GULP1: variants seen among roughly 807,000 people sequenced by gnomAD.
GULP1 encodes GULP PTB domain containing engulfment adaptor 1, also known as PTB domain-containing engulfment adapter protein 1.
In GULP1, 19 loss-of-function variants were observed where a neutral mutation model predicts 40.9. That is an observed-to-expected ratio of 0.46 (90% confidence interval 0.32 to 0.68). GULP1 has a LOEUF of 0.68. Among genes scored for constraint, GULP1 ranks in the 30% least tolerant of loss-of-function variants. GULP1 has a pLI of 0.03. For missense variants in GULP1, 312 were observed against 362.2 expected (o/e 0.86, Z 1.12); for synonymous variants, 119 against 117.6 (o/e 1.01, Z -0.08).
At chr2:188,413,606 T>C (rs1488843802) in intron 2 of GULP1, among the ~76,000 whole-genome samples, 1 of 152,228 alleles carries the variant, frequency 6.6e-6, no homozygotes, top group East Asian at 1.9e-4. Context: ...ATTCTCATTA[T>C]GTGTGCAATT....
In GULP1 at chr2:188,572,554, A is replaced by G. The variant is rs140328923; in HGVS notation, c.609+2434A>G. Among the ~76,000 whole-genome samples, 44 of 152,282 alleles carry G rather than the reference A, an allele frequency of 2.9e-4. No individual in the cohort carries two copies. In the South Asian group the frequency reaches 9.1e-3, roughly 32 times the overall value. ...ATCATTATGGAAATAACAAATTATA[A>G]CTTTGCAATCTACTTATAGTCTTTT... is the stretch of plus-strand genomic sequence containing the variant. On this transcript the variant is annotated intron_variant, in intron 9 of 11. Coordinates refer to ENST00000409830, the MANE Select transcript of GULP1 (RefSeq NM_016315.4).
At chr2:188,387,915 A>G (rs1168830961) in intron 2 of GULP1, among the ~76,000 whole-genome samples, 2 of 151,928 alleles carry the variant, frequency 1.3e-5, no homozygotes, top group Non-Finnish European at 2.9e-5. Flanking sequence ...GTTTTAGGGT[A>G]CATGTGCACA....
At chr2:188,302,565 G>T (rs1362870842) in intron 1 of GULP1, among the ~76,000 whole-genome samples, 7 of 151,962 alleles carry the variant, frequency 4.6e-5, no homozygotes, top group Admixed American at 1.3e-4. Context: ...TTTAAAAAAT[G>T]GTAAACTATA....
intron 10 of GULP1, 50 bp downstream of exon 10, chr2:188,584,453 T>C (rs773491546): frequency 9.3e-7 from 1 of 1,072,658 alleles, no homozygotes; most frequent in South Asian, 1.9e-5. Context: ...GCATACATTT[T>C]AAATATATAA....
chr2:188,486,160 G>A (rs1313368080), intron 4 of GULP1, among the ~76,000 whole-genome samples: 4 of 151,906 alleles, frequency 2.6e-5, no homozygotes, highest in African/African-American at 9.7e-5. Context: ...AAGATAAATC[G>A]GTAGTGATAA....
At chr2:188,570,214 A>T (rs1437070420) in intron 9 of GULP1, 94 bp downstream of exon 9, 5 of 637,376 alleles carry the variant, frequency 7.8e-6, no homozygotes, top group Non-Finnish European at 1.4e-5. Context: ...ATACTTGGGG[A>T]TCAGTAATTT....
At position 188,593,777 on chromosome 2, in the gene GULP1, T is replaced by C. The variant is rs139274286; in HGVS notation, c.844-163T>C. 1.6e-3 allele frequency: 886 copies of C among 566,374 alleles called. 11 individuals carry two copies. Among genetic ancestry groups the C allele is most frequent in the African/African-American group, 0.015 (823 of 53,272 alleles). The allele number at this position is 566,374 out of a possible 1,614,324, so 35.1% of individuals were successfully genotyped here. On this transcript the variant is annotated intron_variant, in intron 11 of 11. Transcript: ENST00000409830. ...ATGGGTCTGAAAGAACTACCAGTGC[T>C]ATACACCTATATAAAAATTCAGCAA... is the stretch of plus-strand genomic sequence containing the variant.
At chr2:188,377,050 T>C (rs1402047298) in intron 1 of GULP1, among the ~76,000 whole-genome samples, 2 of 152,052 alleles carry the variant, frequency 1.3e-5, no homozygotes, top group African/African-American at 2.4e-5. Flanking sequence ...CACATGCCTG[T>C]AGTCCCAGCT....
rs181617777 is a variant in GULP1, at chr2:188,311,046, G to T, written c.-172+18880G>T. ...GGTTGCAGCTTTCCGTGTCCACACA[G>T]TTCCTTACCTGAAATTGAATAGAGA... On this transcript the variant is annotated intron_variant, in intron 1 of 11. Coordinates refer to ENST00000409830, the MANE Select transcript of GULP1 (RefSeq NM_016315.4). Among the ~76,000 whole-genome samples the T allele has an allele frequency of 3.9e-5, 6 of 152,282 alleles. No homozygotes were observed. The East Asian group carries it at 9.7e-4, about 25-fold the overall frequency.
intron 7 of GULP1, 55 bp downstream of exon 7, chr2:188,541,373 G>T: frequency 6.7e-7 from 1 of 1,482,864 alleles, no homozygotes; most frequent in Non-Finnish European, 9.4e-7. Flanking sequence ...GCCAGGAATT[G>T]TCTTGCTTCT....
intron 4 of GULP1, among the ~76,000 whole-genome samples, chr2:188,499,441 C>T (rs1341052854): frequency 1.3e-5 from 2 of 151,398 alleles, no homozygotes; most frequent in African/African-American, 4.8e-5. Flanking sequence ...AAACTCATCT[C>T]CTGAAAACTA....
Position 188,420,139 on chromosome 2 carries a change from T to C in GULP1, c.-45+36250T>C, listed in dbSNP as rs191314779. Among the ~76,000 whole-genome samples, 19 of 152,334 alleles carry C rather than the reference T, an allele frequency of 1.2e-4. No homozygotes were observed. The East Asian group carries it at 3.3e-3, about 26-fold the overall frequency. Reference sequence around the variant, plus strand: ...TCAAGAAATGTGATGCCTCCAGCTTTGTTTTTTCTGGATTGTTTTGGCTAT... The same window carrying C: ...TCAAGAAATGTGATGCCTCCAGCTTCGTTTTTTCTGGATTGTTTTGGCTAT... On this transcript the variant is annotated intron_variant, in intron 2 of 11. Coordinates refer to ENST00000409830, the MANE Select transcript of GULP1 (RefSeq NM_016315.4).
At chr2:188,589,051 C>A (rs779921108) in intron 11 of GULP1, 5 of 151,876 alleles carry the variant, frequency 3.3e-5, no homozygotes, top group African/African-American at 1.2e-4. Flanking sequence ...ATTCTTAATC[C>A]CCTTTTACAT....
chr2:188,310,109 T>G (rs74672869), intron 1 of GULP1, among the ~76,000 whole-genome samples: 6,621 of 152,290 alleles, frequency 0.043, 205 homozygotes, highest in Non-Finnish European at 0.068. Context: ...ACTCCCCAAC[T>G]CTGCTACATT....
intron 2 of GULP1, among the ~76,000 whole-genome samples, chr2:188,443,718 G>A (rs1211442763): frequency 7.2e-6 from 1 of 137,932 alleles, no homozygotes; most frequent in Non-Finnish European, 1.5e-5. Flanking sequence ...ACAGAGTCTT[G>A]CTCTGTCGCC....
chr2:188,501,925 C>G (rs980665146), intron 4 of GULP1, among the ~76,000 whole-genome samples: 5 of 151,960 alleles, frequency 3.3e-5, no homozygotes, highest in African/African-American at 1.2e-4. Context: ...CTCTCCCAGT[C>G]TGATTTTCCC....
chr2:188,394,254 G>A (rs1158241422), intron 2 of GULP1, among the ~76,000 whole-genome samples: 1 of 151,424 alleles, frequency 6.6e-6, no homozygotes. Flanking sequence ...TGTCTGATTG[G>A]GTTAATTCAA....
chr2:188,504,898 A>G (rs2063759972), intron 4 of GULP1, among the ~76,000 whole-genome samples: 1 of 150,340 alleles, frequency 6.7e-6, no homozygotes, highest in African/African-American at 2.4e-5. Context: ...AATTTACAAG[A>G]TTATATGGCT....
At chr2:188,299,175 AAGG>A (rs1326142007) in intron 1 of GULP1, among the ~76,000 whole-genome samples, 1 of 131,018 alleles carries the variant, frequency 7.6e-6, no homozygotes. Flanking sequence ...GCAGGTGACT[AAGG>A]AGGGAGCAGG....
Sources: allele counts gnomAD v4.1 joint callset (sites outside exome capture counted in the v4.1 genomes callset), GRCh38; gene constraint gnomAD v4.1.1; transcripts MANE v1.5; gene names NCBI Gene and HGNC (gene_info 2026-07-23, HGNC 2026-07-21).